The following CSMD3 variants were observed in gnomAD, a reference collection of about 807,000 sequenced individuals.
CSMD3 encodes the protein CUB and Sushi multiple domains 3.
A neutral mutation model predicts 435.2 loss-of-function variants in CSMD3; 177 were observed. That is an observed-to-expected ratio of 0.41 (90% CI 0.36 to 0.46). The LOEUF (loss-of-function observed/expected upper bound fraction) is 0.46, where lower values mean the gene tolerates loss of function less well. Ranked by LOEUF, CSMD3 falls within the 20% of genes least tolerant of loss-of-function variation. The probability of loss-of-function intolerance (pLI) is 0.34; values close to 1 mark genes in which losing one functional copy is unlikely to be tolerated. For synonymous variants in CSMD3, 1,656 were observed against 1,520.5 expected (o/e 1.09, Z -2.07); for missense variants, 4,265 against 4,504.6 (o/e 0.95, Z 1.52).
chr8:112,744,451 T>G (rs981739160), intron 13 of CSMD3, among the ~76,000 whole-genome samples: 42 of 152,062 alleles, frequency 2.8e-4, no homozygotes, highest in Admixed American at 7.9e-4. Flanking sequence ...ACTTTTTTTG[T>G]GTTTAAAATA....
chr8:113,035,777 C>A (rs1429884639), intron 5 of CSMD3, among the ~76,000 whole-genome samples: 1 of 151,822 alleles, frequency 6.6e-6, no homozygotes, highest in Non-Finnish European at 1.5e-5. Flanking sequence ...ATAAAAGGAT[C>A]AGAGGTATTT....
At chr8:112,929,820 T>C (rs758928972) in intron 9 of CSMD3, among the ~76,000 whole-genome samples, 14 of 152,030 alleles carry the variant, frequency 9.2e-5, no homozygotes, top group Non-Finnish European at 1.9e-4. Context: ...TACACTTAAG[T>C]GGCAAAATAT....
At chr8:113,200,020 C>G (rs1229104475) in intron 3 of CSMD3, among the ~76,000 whole-genome samples, 1 of 151,834 alleles carries the variant, frequency 6.6e-6, no homozygotes, top group East Asian at 1.9e-4. Context: ...GATTTATATA[C>G]CCAAATGCCT....
Position 112,255,310 on chromosome 8 carries a change from C to T in CSMD3, c.9980G>A (p.Ser3327Asn), listed in dbSNP as rs1050414303. 1.9e-6 allele frequency: 3 copies of T among 1,613,482 alleles called. No individual in the cohort carries two copies. Among genetic ancestry groups the T allele is most frequent in the Admixed American group, 1.7e-5 (1 of 59,950 alleles). The change falls in exon 62 of 71, where the codon AGC becomes AAC. Residue 3327 changes from serine (S) to asparagine (N), a missense_variant. By Grantham distance (46) the Ser-to-Asn change is conservative (BLOSUM62 1). Around this residue, in one of 3 missense-constraint regions of CSMD3, gnomAD observed 3,255 missense variants for 3,380.2 expected, o/e 0.96. Coordinates refer to ENST00000297405, the MANE Select transcript of CSMD3 (RefSeq NM_198123.2). ...CNFPFILVGS[S>N]TRICQADGTW... is the part of the protein sequence containing the mutation. Reference sequence around the variant, plus strand: ...GCCATCTGCTTGACATATTCTGGTGCTTGATCCCACTAATATGAAAGGAAA... The same window carrying T: ...GCCATCTGCTTGACATATTCTGGTGTTTGATCCCACTAATATGAAAGGAAA...
chr8:112,364,346 A>G (rs1827552708), intron 38 of CSMD3, among the ~76,000 whole-genome samples: 1 of 151,818 alleles, frequency 6.6e-6, no homozygotes, highest in Admixed American at 6.6e-5. Context: ...AAATCTATTC[A>G]TTATGGTAAC....
intron 32 of CSMD3, among the ~76,000 whole-genome samples, chr8:112,462,356 G>A (rs1278727657): frequency 2.6e-5 from 4 of 152,190 alleles, no homozygotes; most frequent in Non-Finnish European, 4.4e-5. Flanking sequence ...CATAACCACT[G>A]TTTAAACAAA....
intron 1 of CSMD3, among the ~76,000 whole-genome samples, chr8:113,346,468 T>A (rs1016663412): frequency 1.3e-5 from 2 of 152,158 alleles, no homozygotes; most frequent in Non-Finnish European, 2.9e-5. Context: ...AATAAAGGTA[T>A]GCTTTTCTGA....
chr8:112,467,446 CTGAA>C (rs1468146813), intron 32 of CSMD3, among the ~76,000 whole-genome samples: 1 of 152,074 alleles, frequency 6.6e-6, no homozygotes, highest in Non-Finnish European at 1.5e-5. Flanking sequence ...TCCAAGAAAT[CTGAA>C]TGTCAGTTTG....
At chr8:113,224,795 A>T (rs1347146191) in intron 3 of CSMD3, among the ~76,000 whole-genome samples, 2 of 148,406 alleles carry the variant, frequency 1.3e-5, no homozygotes, top group African/African-American at 2.5e-5. Flanking sequence ...TCTTGTGTAA[A>T]TTTTTTTTTT....
chr8:112,266,041 C>T (rs1204623488), intron 59 of CSMD3, among the ~76,000 whole-genome samples: 1 of 152,046 alleles, frequency 6.6e-6, no homozygotes, highest in African/African-American at 2.4e-5. Context: ...AAAGACAACC[C>T]CCAAGAAATT....
At chr8:112,669,990 C>T (rs2075619393) in intron 16 of CSMD3, among the ~76,000 whole-genome samples, 2 of 152,142 alleles carry the variant, frequency 1.3e-5, no homozygotes, top group South Asian at 4.1e-4. Flanking sequence ...TTCCTTTCCT[C>T]CCAGTGCCCA....
chr8:112,530,985 G>A (rs914855824), intron 27 of CSMD3, among the ~76,000 whole-genome samples: 3 of 152,132 alleles, frequency 2.0e-5, no homozygotes, highest in African/African-American at 7.2e-5. Flanking sequence ...GACCTGGAAG[G>A]CTGTGGGCTT....
In CSMD3 at chr8:112,902,024, C is replaced by A. The variant is rs906098450; in HGVS notation, c.1633+19603G>T. Reference sequence around the variant, plus strand: ...TGTATTGTGAATGCCCATATAATGTCAAAGAAATTCTCCCAAGTGAGAAGA... The same window carrying A: ...TGTATTGTGAATGCCCATATAATGTAAAAGAAATTCTCCCAAGTGAGAAGA... On this transcript the variant is annotated intron_variant, in intron 10 of 70. Coordinates refer to ENST00000297405, the MANE Select transcript of CSMD3 (RefSeq NM_198123.2). Among the ~76,000 whole-genome samples, 7 of 151,348 alleles carry A rather than the reference C, an allele frequency of 4.6e-5. No individual in the cohort carries two copies. The South Asian group carries it at 1.5e-3, about 31-fold the overall frequency.
At chr8:112,527,294 A>C (rs769559853) in intron 27 of CSMD3, among the ~76,000 whole-genome samples, 1 of 151,880 alleles carries the variant, frequency 6.6e-6, no homozygotes, top group Non-Finnish European at 1.5e-5. Context: ...ATATAGAAAA[A>C]GTAAACTTTA....
chr8:112,957,788 C>T (rs1479533665), intron 7 of CSMD3, among the ~76,000 whole-genome samples: 1 of 152,162 alleles, frequency 6.6e-6, no homozygotes, highest in Non-Finnish European at 1.5e-5. Flanking sequence ...CTCAGTCGCC[C>T]AGGCTGGAGA....
chr8:113,424,718 A>T (rs979520576), intron 1 of CSMD3, among the ~76,000 whole-genome samples: 1 of 151,648 alleles, frequency 6.6e-6, no homozygotes, highest in Non-Finnish European at 1.5e-5. Context: ...TTGGCTGAAC[A>T]GATGGGAGTC....
At position 112,251,215 on chromosome 8, in the gene CSMD3, C is replaced by T. The variant is rs1815228551; in HGVS notation, c.10110+3038G>A. On this transcript the variant is annotated intron_variant, in intron 63 of 70. Coordinates refer to ENST00000297405, the MANE Select transcript of CSMD3 (RefSeq NM_198123.2). ...CTCAAAAACGTATATGCTTCTTTTG[C>T]AATATATATTTTTAAAAATAAATTT... 2.6e-5 allele frequency among the ~76,000 whole-genome samples: 4 copies of T among 151,536 alleles called. No homozygotes were observed. The South Asian group carries it at 8.3e-4, about 32-fold the overall frequency.
At chr8:112,557,666 T>C (rs1197713436) in intron 24 of CSMD3, among the ~76,000 whole-genome samples, 1 of 151,890 alleles carries the variant, frequency 6.6e-6, no homozygotes, top group East Asian at 1.9e-4. Context: ...CACCTCCACA[T>C]GCTAGAAGGG....
At chr8:112,452,927 A>G (rs1816447311) in intron 32 of CSMD3, among the ~76,000 whole-genome samples, 1 of 152,206 alleles carries the variant, frequency 6.6e-6, no homozygotes. Flanking sequence ...GTTAAGAGAA[A>G]AGCAATGGCC....
Sources: gnomAD v4.1 joint callset for allele counts (sites outside exome capture counted in the v4.1 genomes callset) on GRCh38, gnomAD v4.1.1 for gene constraint, gnomAD v4.1.1 regional missense constraint, MANE v1.5 for transcripts, NCBI Gene and HGNC (gene_info 2026-07-23, HGNC 2026-07-21) for gene names.